Variants in TENM2 observed in about 807,000 individuals in gnomAD.
TENM2 encodes teneurin transmembrane protein 2, also known as teneurin-2.
A neutral mutation model predicts 245.2 loss-of-function variants in TENM2; 52 were observed. The ratio of observed to expected loss-of-function variants is 0.21; its 90% CI spans 0.17 to 0.27. The LOEUF (loss-of-function observed/expected upper bound fraction) is 0.27. Ranked by LOEUF, TENM2 falls within the 10% of genes least tolerant of loss-of-function variation. TENM2 has a pLI of 1.00. For missense variants in TENM2, 3,046 were observed against 3,666.8 expected (o/e 0.83, Z 4.37); for synonymous variants, 1,363 against 1,438.9 (o/e 0.95, Z 1.19).
intron 2 of TENM2, among the ~76,000 whole-genome samples, chr5:167,569,244 T>G (rs1434184220): frequency 1.3e-5 from 2 of 152,018 alleles, no homozygotes; most frequent in African/African-American, 4.8e-5. Flanking sequence ...CCAAAAAAAG[T>G]GTTGCTGAAT....
chr5:167,328,657 AT>A (rs1190165368), intron 1 of TENM2, among the ~76,000 whole-genome samples: 2 of 152,140 alleles, frequency 1.3e-5, no homozygotes, highest in Non-Finnish European at 2.9e-5. Context: ...ACCTCATGGT[AT>A]TTTCCCTAGC....
At chr5:167,399,809 A>C (rs1236128187) in intron 2 of TENM2, among the ~76,000 whole-genome samples, 1 of 152,184 alleles carries the variant, frequency 6.6e-6, no homozygotes, top group Non-Finnish European at 1.5e-5. Flanking sequence ...ATAGTATGCC[A>C]TGATTAAAGG....
intron 2 of TENM2, among the ~76,000 whole-genome samples, chr5:167,725,945 A>G (rs1349152799): frequency 6.6e-6 from 1 of 152,062 alleles, no homozygotes; most frequent in African/African-American, 2.4e-5. Flanking sequence ...GCTGCACTCC[A>G]CAAACCCCGC....
chr5:167,782,339 A>AAAAT (rs60865615), intron 2 of TENM2, among the ~76,000 whole-genome samples: 21 of 148,428 alleles, frequency 1.4e-4, no homozygotes, highest in African/African-American at 5.2e-4. Context: ...AAAAAAAAAA[A>AAAAT]TTAAAAAGAA....
intron 2 of TENM2, among the ~76,000 whole-genome samples, chr5:167,405,157 A>C (rs922343431): frequency 6.6e-6 from 1 of 152,088 alleles, no homozygotes; most frequent in Non-Finnish European, 1.5e-5. Context: ...CATTGTATGA[A>C]TATAGCATGT....
chr5:168,066,532 C>G (rs1790521498), intron 7 of TENM2, among the ~76,000 whole-genome samples: 1 of 152,188 alleles, frequency 6.6e-6, no homozygotes, highest in Non-Finnish European at 1.5e-5. Flanking sequence ...CACTGCTACT[C>G]ACCAGCAGCA....
intron 2 of TENM2, among the ~76,000 whole-genome samples, chr5:167,436,031 G>A (rs1411731781): frequency 7.2e-6 from 1 of 137,976 alleles, no homozygotes; most frequent in Non-Finnish European, 1.5e-5. Flanking sequence ...AGGCTGGAGT[G>A]CAGTGGCACC....
intron 1 of TENM2, among the ~76,000 whole-genome samples, chr5:167,321,585 C>T (rs4868790): frequency 6.6e-6 from 1 of 151,636 alleles, no homozygotes; most frequent in Non-Finnish European, 1.5e-5. Context: ...TCCAGCCCAG[C>T]GGTTAGGTGG....
chr5:167,166,831 AGT>A, the TENM2 span, among the ~76,000 whole-genome samples: 1 of 152,132 alleles, frequency 6.6e-6, no homozygotes, highest in Non-Finnish European at 1.5e-5. Flanking sequence ...TTTGTTGGGG[AGT>A]GCAGAGCACA....
chr5:168,053,009 G>A (rs1789241025), intron 6 of TENM2, among the ~76,000 whole-genome samples: 1 of 152,102 alleles, frequency 6.6e-6, no homozygotes, highest in Non-Finnish European at 1.5e-5. Context: ...TTCTTCCGCT[G>A]GCTCTCATCA....
intron 10 of TENM2, among the ~76,000 whole-genome samples, chr5:168,123,583 A>T (rs193142093): frequency 6.6e-6 from 1 of 152,328 alleles, no homozygotes; most frequent in East Asian, 1.9e-4. Flanking sequence ...GTCCATAAAA[A>T]CTTCAAGAAT....
At chr5:167,027,612 A>G in the TENM2 span, among the ~76,000 whole-genome samples, 1 of 152,214 alleles carries the variant, frequency 6.6e-6, no homozygotes, top group Non-Finnish European at 1.5e-5. Flanking sequence ...AAAAATTCAA[A>G]CTAGAAATAT....
At chr5:167,840,083 A>T (rs1769364317) in intron 2 of TENM2, among the ~76,000 whole-genome samples, 1 of 152,196 alleles carries the variant, frequency 6.6e-6, no homozygotes, top group Admixed American at 6.5e-5. Flanking sequence ...GGCCTCCCAA[A>T]GTGCTGGGAT....
chr5:168,111,825 A>G (rs1209866690), intron 9 of TENM2, among the ~76,000 whole-genome samples: 1 of 152,142 alleles, frequency 6.6e-6, no homozygotes, highest in East Asian at 1.9e-4. Flanking sequence ...TATCATTTTT[A>G]TCTGTACTTA....
intron 2 of TENM2, among the ~76,000 whole-genome samples, chr5:167,517,047 A>C (rs1328301629): frequency 6.6e-6 from 1 of 152,214 alleles, no homozygotes; most frequent in East Asian, 1.9e-4. Context: ...GTGTACGAGA[A>C]AGTGCCTTCT....
At chr5:167,925,676 T>A (rs1295345370) in intron 3 of TENM2, among the ~76,000 whole-genome samples, 1 of 152,218 alleles carries the variant, frequency 6.6e-6, no homozygotes, top group East Asian at 1.9e-4. Flanking sequence ...GCAGCACTAT[T>A]CACAATACCA....
the TENM2 span, among the ~76,000 whole-genome samples, chr5:167,234,096 A>G: frequency 1.3e-5 from 2 of 152,180 alleles, no homozygotes; most frequent in African/African-American, 2.4e-5. Context: ...TCTAACTTTA[A>G]TAAGTGGAGA....
rs567111010 is a variant in TENM2 at position 167,578,033 on chromosome 5, A to G, written c.502+202560A>G. Among the ~76,000 whole-genome samples, 3 of 152,310 alleles carry G rather than the reference A, an allele frequency of 2.0e-5. No homozygotes were observed. The South Asian group carries it at 6.2e-4, about 32-fold the overall frequency. ...GTGGGCACAGGGGGCACATGCCAAA[A>G]GGGAACAACCGATGCTAGTATGATG... On this transcript the variant is annotated intron_variant, in intron 2 of 28. Transcript: ENST00000518659.
At chr5:167,565,101 T>C (rs2127648471) in intron 2 of TENM2, among the ~76,000 whole-genome samples, 1 of 152,324 alleles carries the variant, frequency 6.6e-6, no homozygotes, top group African/African-American at 2.4e-5. Context: ...GTGCTAACAA[T>C]GAAAGTTTTA....
Sources: gnomAD v4.1 joint callset for allele counts (sites outside exome capture counted in the v4.1 genomes callset) on GRCh38, gnomAD v4.1.1 for gene constraint, MANE v1.5 for transcripts, NCBI Gene and HGNC (gene_info 2026-07-23, HGNC 2026-07-21) for gene names.